The following PTPRT variants were observed in gnomAD, a reference collection of about 807,000 sequenced individuals.
The protein encoded by PTPRT is receptor-type tyrosine-protein phosphatase T.
PTPRT carries 56 observed loss-of-function variants against 176.8 expected under a neutral mutation model. That is an observed-to-expected ratio of 0.32 (90% confidence interval 0.26 to 0.40). PTPRT has a LOEUF of 0.40. Among genes scored for constraint, PTPRT ranks in the 10% least tolerant of loss-of-function variants. The pLI, the probability that PTPRT is intolerant of heterozygous loss-of-function variation, is 1.00. For missense variants in PTPRT, 1,540 were observed against 1,908.2 expected (o/e 0.81, Z 3.60); for synonymous variants, 783 against 739.0 (o/e 1.06, Z -0.96).
At chr20:42,327,380 C>T (rs898403508) in intron 11 of PTPRT, among the ~76,000 whole-genome samples, 9 of 151,896 alleles carry the variant, frequency 5.9e-5, no homozygotes, top group Non-Finnish European at 1.3e-4. Flanking sequence ...TTTTAAAAAG[C>T]TTTAAAGGAC....
chr20:43,032,626 G>A (rs556536542), intron 1 of PTPRT, among the ~76,000 whole-genome samples: 2 of 152,064 alleles, frequency 1.3e-5, no homozygotes, highest in Non-Finnish European at 2.9e-5. Context: ...TGTAGTTCCA[G>A]AAGAGTCCAC....
chr20:43,058,945 G>A (rs1012305159), intron 1 of PTPRT, among the ~76,000 whole-genome samples: 1 of 152,192 alleles, frequency 6.6e-6, no homozygotes, highest in African/African-American at 2.4e-5. Flanking sequence ...TGACCAATGA[G>A]TATAGCATCA....
At chr20:42,882,326 C>T (rs1329051294) in intron 2 of PTPRT, among the ~76,000 whole-genome samples, 2 of 152,146 alleles carry the variant, frequency 1.3e-5, no homozygotes, top group African/African-American at 4.8e-5. Context: ...TATCAAATGC[C>T]TCTATTTAGA....
rs940289106 is a variant in PTPRT, at chr20:42,351,945, G to A, written c.1762+139C>T. 5.5e-6 allele frequency: 4 copies of A among 724,170 alleles called. No homozygotes were observed. The African/African-American group carries it at 7.1e-5, about 13-fold the overall frequency. The allele number at this position is 724,170 out of a possible 1,614,324, so 44.9% of individuals were successfully genotyped here. A position where few individuals can be genotyped will look rare whatever the true frequency, so the allele number is the denominator to read the frequency against. On this transcript the variant is annotated intron_variant, in intron 10 of 30. Coordinates refer to ENST00000373187, the MANE Select transcript of PTPRT (RefSeq NM_007050.6). ...GATTTTCTTCATAGGAGACAACAAT[G>A]GTAACTCACTAGGGACTGGATCGTC...
Position 42,102,167 on chromosome 20 carries a change from A to G in PTPRT, c.3671T>C (p.Val1224Ala). The change falls in exon 26 of 31, where the codon GTG becomes GCG. Residue 1224 changes from valine to alanine, a missense_variant. Physicochemically the swap from Val to Ala is moderately conservative, Grantham distance 64 (BLOSUM62 0). Coordinates refer to ENST00000373187, the MANE Select transcript of PTPRT (RefSeq NM_007050.6). ...LDRCLPFLIS[V>A]DGESSNYINA... The stretch of plus-strand genomic sequence containing the variant: ...GATGTAATTGCTGGATTCTCCGTCC[A>G]CTGAGATAAGGAAGGGCAGGCAGCG... 1.2e-6 allele frequency: 2 copies of G among 1,614,100 alleles called. No individual in the cohort carries two copies. Among genetic ancestry groups the G allele is most frequent in the East Asian group, 2.2e-5 (1 of 44,876 alleles).
intron 7 of PTPRT, among the ~76,000 whole-genome samples, chr20:42,498,695 A>G (rs1273727021): frequency 2.0e-5 from 3 of 152,104 alleles, no homozygotes; most frequent in Non-Finnish European, 4.4e-5. Context: ...CTTCATCTAC[A>G]TGACAGGAAC....
At chr20:42,858,469 C>T (rs758160520) in intron 2 of PTPRT, among the ~76,000 whole-genome samples, 4 of 152,098 alleles carry the variant, frequency 2.6e-5, no homozygotes, top group Non-Finnish European at 5.9e-5. Flanking sequence ...AAACGCTAAC[C>T]GCCAAGGTGA....
At chr20:42,516,691 T>C (rs1307257806) in intron 7 of PTPRT, among the ~76,000 whole-genome samples, 3 of 152,194 alleles carry the variant, frequency 2.0e-5, no homozygotes, top group African/African-American at 7.2e-5. Context: ...TTAGTTTTTG[T>C]AGATCCTGCC....
At chr20:42,835,464 G>C (rs756155192) in intron 2 of PTPRT, among the ~76,000 whole-genome samples, 2 of 152,076 alleles carry the variant, frequency 1.3e-5, no homozygotes, top group African/African-American at 2.4e-5. Flanking sequence ...AAAAGGACTA[G>C]CAGAATGCCT....
chr20:42,486,936 G>A (rs971735021), intron 7 of PTPRT, among the ~76,000 whole-genome samples: 3 of 152,126 alleles, frequency 2.0e-5, no homozygotes, highest in Admixed American at 6.6e-5. Context: ...GAAGCCACTC[G>A]TCCCACAGTT....
chr20:43,090,360 C>T (rs1274449028), intron 1 of PTPRT, among the ~76,000 whole-genome samples: 20 of 151,906 alleles, frequency 1.3e-4, no homozygotes, highest in African/African-American at 4.1e-4. Flanking sequence ...CTCCGCCTCC[C>T]GGGTTCATGC....
chr20:42,765,940 C>G (rs964372788), intron 5 of PTPRT, among the ~76,000 whole-genome samples: 1 of 151,968 alleles, frequency 6.6e-6, no homozygotes, highest in Non-Finnish European at 1.5e-5. Context: ...ACATTTTTGT[C>G]CCCATCTCTA....
intron 7 of PTPRT, among the ~76,000 whole-genome samples, chr20:42,633,819 A>ATATATATATATG (rs1162225733): frequency 2.7e-4 from 23 of 85,586 alleles, no homozygotes; most frequent in Admixed American, 2.3e-3. Flanking sequence ...ATATATATAT[A>ATATATATATATG]ATAAAATATT....
intron 1 of PTPRT, among the ~76,000 whole-genome samples, chr20:43,185,305 A>G (rs1001813334): frequency 6.6e-6 from 1 of 152,156 alleles, no homozygotes; most frequent in African/African-American, 2.4e-5. Context: ...TCAAGTGCAC[A>G]AAGTATCTTT....
chr20:43,131,199 C>T (rs2013636664), intron 1 of PTPRT, among the ~76,000 whole-genome samples: 1 of 152,260 alleles, frequency 6.6e-6, no homozygotes, highest in Non-Finnish European at 1.5e-5. Context: ...CCCTCCACAG[C>T]TTCCCATCAG....
At chr20:42,973,453 GTGTT>G (rs1435852214) in intron 1 of PTPRT, among the ~76,000 whole-genome samples, 6 of 151,228 alleles carry the variant, frequency 4.0e-5, no homozygotes, top group Non-Finnish European at 8.8e-5. Flanking sequence ...CTCTCTGTGT[GTGTT>G]TGTGTGTGTG....
intron 17 of PTPRT, among the ~76,000 whole-genome samples, chr20:42,160,724 G>A (rs954512223): frequency 3.9e-5 from 6 of 152,282 alleles, no homozygotes; most frequent in Non-Finnish European, 7.3e-5. Flanking sequence ...CCCAAACCTC[G>A]GTAACAACCA....
At chr20:42,355,994 T>C (rs1264812240) in intron 9 of PTPRT, among the ~76,000 whole-genome samples, 1 of 152,154 alleles carries the variant, frequency 6.6e-6, no homozygotes, top group East Asian at 1.9e-4. Flanking sequence ...TCAATGTATG[T>C]TAATATAGCA....
At chr20:42,674,804 A>C (rs1216406821) in intron 7 of PTPRT, among the ~76,000 whole-genome samples, 1 of 152,228 alleles carries the variant, frequency 6.6e-6, no homozygotes, top group Non-Finnish European at 1.5e-5. Context: ...TCCAAGCAAC[A>C]AAAATACCTG....
Sources: allele counts gnomAD v4.1 joint callset (sites outside exome capture counted in the v4.1 genomes callset), GRCh38; gene constraint gnomAD v4.1.1; transcripts MANE v1.5; gene names NCBI Gene and HGNC (gene_info 2026-07-23, HGNC 2026-07-21).